The following SAPCD2 variants were observed in gnomAD, a reference collection of about 807,000 sequenced individuals.
SAPCD2 encodes suppressor APC domain containing 2.
A neutral mutation model predicts 37.8 loss-of-function variants in SAPCD2; 34 were observed. The observed-to-expected ratio is 0.90, with a 90% CI of 0.68 to 1.20. The LOEUF (loss-of-function observed/expected upper bound fraction) is 1.20, where lower values mean the gene tolerates loss of function less well. Among genes scored for constraint, SAPCD2 ranks in the 50% most tolerant of loss-of-function variants. SAPCD2 has a pLI of 0.00. For synonymous variants in SAPCD2, 275 were observed against 270.3 expected (o/e 1.02, Z -0.17); for missense variants, 572 against 584.7 (o/e 0.98, Z 0.22).
rs2131532583 is a variant in SAPCD2 at position 137,070,150 on chromosome 9, T to G, written c.311A>C (p.Asp104Ala). 1.7e-6 allele frequency: 2 copies of G among 1,208,752 alleles called. No individual in the cohort carries two copies. The highest frequency in any genetic ancestry group is 2.1e-6 in the Non-Finnish European group (2 of 974,474). 74.9% of individuals were successfully genotyped at this position (1,208,752 alleles called of 1,614,324 possible). The change falls in exon 1 of 6, where the codon GAC becomes GCC. Residue 104 changes from aspartate to alanine, a missense_variant. Coordinates refer to ENST00000409687, the MANE Select transcript of SAPCD2 (RefSeq NM_178448.4). ...GGGCCGGGCCGGGGCGCGCGTGGGGTCCCGGGGGCCGCCGTCGGCGCTCAG... is the reference window on the plus strand; with the variant it reads ...GGGCCGGGCCGGGGCGCGCGTGGGGGCCCGGGGGCCGCCGTCGGCGCTCAG... ...SLLSADGGPR[D>A]PTRAPARPGD...
At chr9:137,064,826 C>G in intron 5 of SAPCD2, 37 bp downstream of exon 5, 1 of 1,580,946 alleles carries the variant, frequency 6.3e-7, no homozygotes, top group Non-Finnish European at 8.6e-7. Flanking sequence ...TGCGGGGCCT[C>G]ACCCCCACCC....
Position 137,070,244 on chromosome 9 carries a change from G to T in SAPCD2, c.217C>A (p.Arg73Ser). 7.0e-7 allele frequency: 1 copy of T among 1,420,654 alleles called. No homozygotes were observed. Among genetic ancestry groups the T allele is most frequent in the Non-Finnish European group, 9.2e-7 (1 of 1,084,266 alleles). 88.0% of individuals were successfully genotyped at this position (1,420,654 alleles called of 1,614,324 possible). A position where few individuals can be genotyped will look rare whatever the true frequency, so the allele number is the denominator to read the frequency against. ...ELPRGVLEGL[R>S]QVAPASGYLT... is the part of the protein sequence containing the mutation. ...TAGCCGCTGGCCGGGGCCACCTGGCGCAAGCCCTCCAGCACCCCGCGGGGC... is the reference window on the plus strand; with the variant it reads ...TAGCCGCTGGCCGGGGCCACCTGGCTCAAGCCCTCCAGCACCCCGCGGGGC... The change falls in exon 1 of 6, where the codon CGC (arginine) becomes AGC (serine). Residue 73 changes from arginine to serine, a missense_variant. By Grantham distance (110) the Arg-to-Ser change is moderately radical. Transcript: ENST00000409687.
chr9:137,064,283 C>A lies in SAPCD2; in HGVS notation c.*376G>T. The A allele has an allele frequency of 3.5e-6, 1 of 284,500 alleles. No homozygotes were observed. The highest frequency in any genetic ancestry group is 6.8e-6 in the Non-Finnish European group (1 of 146,856). 17.6% of individuals were successfully genotyped at this position (284,500 alleles called of 1,614,324 possible). A position where few individuals can be genotyped will look rare whatever the true frequency, so the allele number is the denominator to read the frequency against. On this transcript the variant is annotated 3_prime_UTR_variant, in exon 6 of 6. Transcript: ENST00000409687. Reference sequence around the variant, plus strand: ...CTGCTGCCCGTTGTTGGAAGTGCAGCCTGGCGTGGGCAGTGCCTTTCCCTG... The same window carrying A: ...CTGCTGCCCGTTGTTGGAAGTGCAGACTGGCGTGGGCAGTGCCTTTCCCTG...
chr9:137,065,461 T>C, intron 3 of SAPCD2, 61 bp downstream of exon 3: 1 of 1,518,082 alleles, frequency 6.6e-7, no homozygotes, highest in South Asian at 1.2e-5. Context: ...TGCCCAAGGG[T>C]GCCTGGGGTG....
intron 1 of SAPCD2, 99 bp downstream of exon 1, chr9:137,069,791 T>A (rs1386223211): frequency 2.2e-5 from 19 of 872,776 alleles, no homozygotes; most frequent in Non-Finnish European, 2.9e-5. Context: ...CCCGGTCCCG[T>A]CCCTTGTGGG....
rs1832509855 is a variant in SAPCD2 at position 137,064,365 on chromosome 9, G to A, written c.*294C>T. On this transcript the variant is annotated 3_prime_UTR_variant, in exon 6 of 6. Transcript: ENST00000409687. ...CGGGGGGACGCTAACTCATGGAGGGGTACCCCACTGTCCACTGACAGCGGC... is the reference window on the plus strand; with the variant it reads ...CGGGGGGACGCTAACTCATGGAGGGATACCCCACTGTCCACTGACAGCGGC... 2 of 494,208 alleles carry A rather than the reference G, an allele frequency of 4.0e-6. No individual in the cohort carries two copies. The highest frequency in any genetic ancestry group is 3.4e-5 in the Admixed American group (1 of 29,312). The allele number at this position is 494,208 out of a possible 1,614,324, so 30.6% of individuals were successfully genotyped here.
At position 137,065,521 on chromosome 9, in the gene SAPCD2, C is replaced by G. The variant is rs765827159; in HGVS notation, c.831+1G>C. On this transcript the variant is annotated splice_donor_variant, in intron 3 of 5. Transcript: ENST00000409687. LOFTEE classifies it high-confidence loss of function. ...TCTGGGGACAGGGCTGTGGCACTCA[C>G]GGCGCTGGCTCTGCTCTGGCCCAGG... is the stretch of plus-strand genomic sequence containing the variant. 8 of 1,595,354 alleles carry G rather than the reference C, an allele frequency of 5.0e-6. No homozygotes were observed. The highest frequency in any genetic ancestry group is 2.2e-4 in the Middle Eastern group (1 of 4,626).
At chr9:137,064,809 C>G in intron 5 of SAPCD2, 22 bp from the exon 6 acceptor site, 1 of 1,588,692 alleles carries the variant, frequency 6.3e-7, no homozygotes, top group African/African-American at 1.3e-5. Flanking sequence ...CACAGTTGGT[C>G]AAGGCCTGCG....
rs1466356018 is a variant in SAPCD2, at chr9:137,064,417, CAA to C, written c.*240_*241del. Reference sequence around the variant, plus strand: ...GTAGTAGCTGCGGACTATGCGGACTCAAGAGAGCCCCAGCCCATGTCAGCACC... The same window carrying C: ...GTAGTAGCTGCGGACTATGCGGACTCGAGAGCCCCAGCCCATGTCAGCACC... On this transcript the variant is annotated 3_prime_UTR_variant, in exon 6 of 6. Coordinates refer to ENST00000409687, the MANE Select transcript of SAPCD2 (RefSeq NM_178448.4). The C allele has an allele frequency of 6.9e-6, 4 of 580,164 alleles. No individual in the cohort carries two copies. The East Asian group carries it at 8.7e-5, about 13-fold the overall frequency. 35.9% of individuals were successfully genotyped at this position (580,164 alleles called of 1,614,324 possible).
chr9:137,069,629 C>T (rs1832595447), intron 1 of SAPCD2, among the ~76,000 whole-genome samples: 1 of 152,226 alleles, frequency 6.6e-6, no homozygotes, highest in African/African-American at 2.4e-5. Flanking sequence ...CACCTGCCAC[C>T]CCCCGGCCCT....
chr9:137,070,415 C>CG lies in SAPCD2; in HGVS notation c.45dup (p.Ala16ArgfsTer151), dbSNP rs1376034581. 2 of 1,302,384 alleles carry CG rather than the reference C, an allele frequency of 1.5e-6. No individual in the cohort carries two copies. Among genetic ancestry groups the CG allele is most frequent in the Non-Finnish European group, 2.0e-6 (2 of 1,025,196 alleles). The allele number at this position is 1,302,384 out of a possible 1,614,324, so 80.7% of individuals were successfully genotyped here. A position where few individuals can be genotyped will look rare whatever the true frequency, so the allele number is the denominator to read the frequency against. On this transcript the variant is annotated frameshift_variant, in exon 1 of 6. Transcript: ENST00000409687. LOFTEE classifies it high-confidence loss of function. ...AGCCCCTCCGTGCTGGGCGCGGGTG[C>CG]GGGGGGAGGCACGCGGCCCCGCTCG...
At chr9:137,069,643 G>A (rs954693900) in intron 1 of SAPCD2, among the ~76,000 whole-genome samples, 9 of 152,188 alleles carry the variant, frequency 5.9e-5, no homozygotes, top group African/African-American at 2.2e-4. Context: ...CGGCCCTGGT[G>A]GCCTTATGCT....
intron 4 of SAPCD2, 21 bp from the exon 5 acceptor site, chr9:137,065,000 G>A: frequency 6.7e-7 from 1 of 1,500,450 alleles, no homozygotes; most frequent in Non-Finnish European, 9.0e-7. Flanking sequence ...GCAGGATTAG[G>A]CAGGCCTGGA....
intron 1 of SAPCD2, among the ~76,000 whole-genome samples, chr9:137,067,667 G>A (rs1483523456): frequency 1.3e-5 from 2 of 149,524 alleles, no homozygotes; most frequent in Non-Finnish European, 3.0e-5. Context: ...CCAGCTACTC[G>A]GGAGGCTGAA....
chr9:137,065,783 A>G lies in SAPCD2; in HGVS notation c.685-115T>C. ...GAGCCACAGACACAAATGCAGCAGC[A>G]CGTGTACACGTTTGCAAACACCCAC... On this transcript the variant is annotated intron_variant, in intron 2 of 5. Coordinates refer to ENST00000409687, the MANE Select transcript of SAPCD2 (RefSeq NM_178448.4). 3.1e-6 allele frequency: 4 copies of G among 1,307,030 alleles called. No individual in the cohort carries two copies. The East Asian group carries it at 7.1e-5, about 23-fold the overall frequency. The allele number at this position is 1,307,030 out of a possible 1,614,324, so 81.0% of individuals were successfully genotyped here.
chr9:137,067,470 CA>C (rs56931222), intron 1 of SAPCD2, among the ~76,000 whole-genome samples: 241 of 134,210 alleles, frequency 1.8e-3, no homozygotes, highest in South Asian at 4.3e-3. Context: ...AACTTTGTCT[CA>C]AAAAAAAAAA....
In SAPCD2 at chr9:137,064,772, T is replaced by C. The variant is rs1832517883; in HGVS notation, c.1072A>G (p.Ser358Gly). 1 of 1,594,606 alleles carries C rather than the reference T, an allele frequency of 6.3e-7. No homozygotes were observed. Among genetic ancestry groups the C allele is most frequent in the Non-Finnish European group, 8.5e-7 (1 of 1,171,286 alleles). The change falls in exon 6 of 6, where the codon AGT (serine) becomes GGT (glycine). Residue 358 changes from serine (S) to glycine (G), a missense_variant. By Grantham distance (56) the Ser-to-Gly change is moderately conservative (BLOSUM62 0). Coordinates refer to ENST00000409687, the MANE Select transcript of SAPCD2 (RefSeq NM_178448.4). ...RLLTQEVTEKSERITQLEQEK... is the reference protein window; with the variant it reads ...RLLTQEVTEKGERITQLEQEK... ...TGCTCCAGCTGCGTGATGCGCTCAC[T>C]CTTCTCGGTCACCTCCTGGGCAGGT...
intron 1 of SAPCD2, among the ~76,000 whole-genome samples, chr9:137,067,482 A>G (rs1564261535): frequency 6.7e-6 from 1 of 149,746 alleles, no homozygotes. Context: ...AAAAAAAAAA[A>G]GATCCCTTGC....
intron 1 of SAPCD2, among the ~76,000 whole-genome samples, chr9:137,067,524 C>G (rs1276319205): frequency 1.3e-5 from 2 of 150,040 alleles, no homozygotes; most frequent in African/African-American, 2.5e-5. Context: ...GTAATCCCAG[C>G]ACTTTGGGAA....
Sources: allele counts gnomAD v4.1 joint callset (sites outside exome capture counted in the v4.1 genomes callset), GRCh38; gene constraint gnomAD v4.1.1; transcripts MANE v1.5; gene names NCBI Gene and HGNC (gene_info 2026-07-23, HGNC 2026-07-21).